The following PDLIM5 variants were observed in gnomAD, a reference collection of about 807,000 sequenced individuals.
PDLIM5 encodes PDZ and LIM domain 5.
PDLIM5 carries 34 observed loss-of-function variants against 64.2 expected under a neutral mutation model. That is an observed-to-expected ratio of 0.53 (90% CI 0.40 to 0.71). PDLIM5 has a LOEUF of 0.71. Ranked by LOEUF, PDLIM5 falls within the 30% of genes least tolerant of loss-of-function variation. The pLI is 0.00. For synonymous variants in PDLIM5, 253 were observed against 269.1 expected (o/e 0.94, Z 0.59); for missense variants, 683 against 733.6 (o/e 0.93, Z 0.80).
At chr4:94,576,435 A>C (rs1735266516) in intron 5 of PDLIM5, among the ~76,000 whole-genome samples, 1 of 152,194 alleles carries the variant, frequency 6.6e-6, no homozygotes, top group South Asian at 2.1e-4. Flanking sequence ...ACTCATCGTA[A>C]GGAGAGGGGA....
intron 3 of PDLIM5, among the ~76,000 whole-genome samples, chr4:94,546,773 T>C (rs1181912394): frequency 6.6e-6 from 1 of 152,128 alleles, no homozygotes; most frequent in Non-Finnish European, 1.5e-5. Flanking sequence ...TAGTGTTATA[T>C]ATATTACTTA....
rs534898448 is a variant in PDLIM5 at position 94,455,909 on chromosome 4, A to G, written c.96+525A>G. 9.6e-6 allele frequency: 14 copies of G among 1,452,222 alleles called. No individual in the cohort carries two copies. In the South Asian group the frequency reaches 1.6e-4, roughly 16 times the overall value. The allele number at this position is 1,452,222 out of a possible 1,614,324, so 90.0% of individuals were successfully genotyped here. A position where few individuals can be genotyped will look rare whatever the true frequency, so the allele number is the denominator to read the frequency against. ...AAATGAAGGGCTTGGAGCTCCAACT[A>G]GATAGCCTATGAATAATTGAGATTT... On this transcript the variant is annotated intron_variant, in intron 2 of 12. Transcript: ENST00000317968.
intron 7 of PDLIM5, chr4:94,610,411 T>C (rs10007050): frequency 0.97 from 525,606 of 542,006 alleles, 255,997 homozygotes; most frequent in East Asian, 1. Flanking sequence ...ATAGCTCTAT[T>C]GTGAGCTCTT....
chr4:94,551,060 G>A (rs993583995), intron 3 of PDLIM5, among the ~76,000 whole-genome samples: 1 of 152,076 alleles, frequency 6.6e-6, no homozygotes, highest in Non-Finnish European at 1.5e-5. Context: ...TGAAGAACAA[G>A]ATGAAAGGAT....
chr4:94,523,944 T>A, intron 3 of PDLIM5, 69 bp downstream of exon 3: 1 of 1,167,850 alleles, frequency 8.6e-7, no homozygotes, highest in Non-Finnish European at 1.3e-6. Flanking sequence ...TGTGTCTGAC[T>A]CACGGTGTTA....
At chr4:94,663,549 T>C (rs1742902602) in intron 12 of PDLIM5, among the ~76,000 whole-genome samples, 1 of 152,168 alleles carries the variant, frequency 6.6e-6, no homozygotes, top group South Asian at 2.1e-4. Context: ...ATTCTGTGCC[T>C]GTGTAACTGG....
Position 94,573,363 on chromosome 4 carries a change from A to G in PDLIM5, c.261A>G (p.Ala87=). ...TTTTTTTCCTCAGAGCATCTGCTGC[A>G]CCCAAGCCTGAGCCGGTTCCTGTTC... ...LNMTLQRASA[A]PKPEPVPVQK... is the part of the protein sequence containing the mutation. The change falls in exon 4 of 13, where the codon GCA becomes GCG. Residue 87 remains alanine (A), a synonymous_variant. Coordinates refer to ENST00000317968, the MANE Select transcript of PDLIM5 (RefSeq NM_006457.5). The G allele has an allele frequency of 6.2e-7, 1 of 1,612,610 alleles. No individual in the cohort carries two copies. The highest frequency in any genetic ancestry group is 8.5e-7 in the Non-Finnish European group (1 of 1,179,206).
intron 7 of PDLIM5, among the ~76,000 whole-genome samples, chr4:94,600,520 C>T (rs1737410959): frequency 6.6e-6 from 1 of 152,122 alleles, no homozygotes; most frequent in Non-Finnish European, 1.5e-5. Context: ...TAATACATGC[C>T]TTTCTCCTCT....
intron 5 of PDLIM5, among the ~76,000 whole-genome samples, chr4:94,583,326 A>G (rs1735892485): frequency 6.6e-6 from 1 of 152,118 alleles, no homozygotes; most frequent in Admixed American, 6.5e-5. Context: ...AGGTAGTGTC[A>G]TTCTATTATT....
At chr4:94,540,013 A>G (rs192996119) in intron 3 of PDLIM5, among the ~76,000 whole-genome samples, 1 of 152,230 alleles carries the variant, frequency 6.6e-6, no homozygotes, top group East Asian at 1.9e-4. Flanking sequence ...ATATAATAAT[A>G]CTACTAATAA....
Position 94,667,767 on chromosome 4 carries a change from T to A in PDLIM5, c.*3700T>A, listed in dbSNP as rs1463216569. On this transcript the variant is annotated 3_prime_UTR_variant, in exon 13 of 13. Transcript: ENST00000317968. ...TCTTCAAAATATTACTATAGCATTA[T>A]GTTTAAAATAATCTACAACAAAAAT... 1 of 152,220 alleles carries A rather than the reference T, an allele frequency of 6.6e-6. No homozygotes were observed. Among genetic ancestry groups the A allele is most frequent in the Non-Finnish European group, 1.5e-5 (1 of 68,036 alleles). The allele number at this position is 152,220 out of a possible 1,614,324, so 9.4% of individuals were successfully genotyped here.
intron 2 of PDLIM5, chr4:94,455,768 A>G: frequency 6.6e-7 from 1 of 1,518,960 alleles, no homozygotes; most frequent in Non-Finnish European, 8.8e-7. Flanking sequence ...GTTTGTTAAA[A>G]ACTGTTGATC....
At chr4:94,570,245 C>A (rs1734693181) in intron 3 of PDLIM5, among the ~76,000 whole-genome samples, 1 of 152,182 alleles carries the variant, frequency 6.6e-6, no homozygotes, top group South Asian at 2.1e-4. Context: ...CTGGTACTCA[C>A]ATGGGCTAAA....
chr4:94,452,426 G>A (rs542694466), intron 1 of PDLIM5, among the ~76,000 whole-genome samples: 1 of 152,310 alleles, frequency 6.6e-6, no homozygotes, highest in East Asian at 1.9e-4. Flanking sequence ...CAGTCTCTTG[G>A]AGGGTAGGAA....
chr4:94,640,371 G>A lies in PDLIM5; in HGVS notation c.1204G>A (p.Asp402Asn). 6.2e-7 allele frequency: 1 copy of A among 1,613,422 alleles called. No homozygotes were observed. Among genetic ancestry groups the A allele is most frequent in the Non-Finnish European group, 8.5e-7 (1 of 1,179,454 alleles). Residue 402 changes from aspartate (D) to asparagine (N), a missense_variant, in exon 9 of 13, where the codon GAC becomes AAC. Physicochemically the swap from Asp to Asn is conservative, Grantham distance 23 (BLOSUM62 1). Coordinates refer to ENST00000317968, the MANE Select transcript of PDLIM5 (RefSeq NM_006457.5). ...ALGQTQPSDQDTLVQRAEHIP... is the reference protein window; with the variant it reads ...ALGQTQPSDQNTLVQRAEHIP... ...GGGACAAACCCAGCCAAGTGACCAGGACACTTTAGTGCAAAGAGCTGAGCA... is the reference window on the plus strand; with the variant it reads ...GGGACAAACCCAGCCAAGTGACCAGAACACTTTAGTGCAAAGAGCTGAGCA...
At chr4:94,584,219 A>T (rs1433096397) in intron 5 of PDLIM5, among the ~76,000 whole-genome samples, 2 of 152,242 alleles carry the variant, frequency 1.3e-5, no homozygotes, top group African/African-American at 4.8e-5. Flanking sequence ...GTAGTCTGCT[A>T]GTCCAGATTC....
At chr4:94,654,246 G>A (rs1742045369) in intron 9 of PDLIM5, among the ~76,000 whole-genome samples, 1 of 152,094 alleles carries the variant, frequency 6.6e-6, no homozygotes, top group South Asian at 2.1e-4. Context: ...CTTTCTTGAA[G>A]GAATCCCTTA....
chr4:94,500,420 A>AG (rs1727807874), intron 2 of PDLIM5, among the ~76,000 whole-genome samples: 1 of 152,212 alleles, frequency 6.6e-6, no homozygotes, highest in South Asian at 2.1e-4. Context: ...GTCTTAAACT[A>AG]GAGGATTGAT....
At chr4:94,481,399 T>G (rs1172506000) in intron 2 of PDLIM5, among the ~76,000 whole-genome samples, 1 of 150,772 alleles carries the variant, frequency 6.6e-6, no homozygotes, top group African/African-American at 2.4e-5. Context: ...AAGCGATGCC[T>G]CAGCCTCCTG....
Sources: allele counts gnomAD v4.1 joint callset (sites outside exome capture counted in the v4.1 genomes callset), GRCh38; gene constraint gnomAD v4.1.1; transcripts MANE v1.5; gene names NCBI Gene and HGNC (gene_info 2026-07-23, HGNC 2026-07-21).